NF1: variants seen among roughly 807,000 people sequenced by gnomAD.
NF1 encodes the protein neurofibromin.
A neutral mutation model predicts 325.7 loss-of-function variants in NF1; 122 were observed. That is an observed-to-expected ratio of 0.37 (90% confidence interval 0.32 to 0.44). NF1 has a LOEUF of 0.44. NF1 is among the 20% of genes least tolerant of loss of function. The probability of loss-of-function intolerance (pLI) is 1.00; values close to 1 mark genes in which losing one functional copy is unlikely to be tolerated. For synonymous variants in NF1, 1,091 were observed against 1,186.0 expected (o/e 0.92, Z 1.65); for missense variants, 2,140 against 3,415.4 (o/e 0.63, Z 9.31).
Position 31,338,717 on chromosome 17 carries a change from G to C in NF1, c.6833G>C (p.Cys2278Ser), listed in dbSNP as rs2151559117. Residue 2278 changes from cysteine (C) to serine (S), a missense_variant, in exon 46 of 58, where the codon TGC (cysteine) becomes TCC (serine). This residue lies in a region of NF1 where 522 missense variants were observed against 749.0 expected (regional missense o/e 0.70). Transcript: ENST00000358273. ...IRILSKALES[C>S]LKGPDTYNSQ... is the part of the protein sequence containing the mutation. Reference sequence around the variant, plus strand: ...TTTTCCTAAAAGGCACTTGAGAGTTGCTTAAAAGGACCTGACACTTACAAC... The same window carrying C: ...TTTTCCTAAAAGGCACTTGAGAGTTCCTTAAAAGGACCTGACACTTACAAC... The C allele has an allele frequency of 6.2e-7, 1 of 1,612,978 alleles. No homozygotes were observed. Among genetic ancestry groups the C allele is most frequent in the Middle Eastern group, 1.7e-4 (1 of 6,040 alleles).
In NF1 at chr17:31,358,510, C is replaced by A. The variant is rs876658475; in HGVS notation, c.8001C>A (p.Thr2667=). The A allele has an allele frequency of 4.3e-6, 7 of 1,613,720 alleles. No individual in the cohort carries two copies. The South Asian group carries it at 7.7e-5, about 18-fold the overall frequency. Reference sequence around the variant, plus strand: ...ATTTGTTGGACTCTAAGATCAACACCCTGTTATCATTGTGCCAAGATCCAA... The same window carrying A: ...ATTTGTTGGACTCTAAGATCAACACACTGTTATCATTGTGCCAAGATCCAA... ...VHNLLDSKIN[T]LLSLCQDPNL... The change falls in exon 55 of 58, where the codon ACC becomes ACA. Residue 2667 remains threonine, a synonymous_variant. Coordinates refer to ENST00000358273, the MANE Select transcript of NF1 (RefSeq NM_001042492.3).
Position 31,252,688 on chromosome 17 carries a change from T to G in NF1, c.4111-250T>G, listed in dbSNP as rs577002265. 39 of 462,584 alleles carry G rather than the reference T, an allele frequency of 8.4e-5. 1 individual carries two copies. The South Asian group carries it at 1.4e-3, about 16-fold the overall frequency. 28.7% of individuals were successfully genotyped at this position (462,584 alleles called of 1,614,324 possible). ...CACTTGGAGAGAGTTTTTCTGTGAT[T>G]CATAGCCAGAAATAGTAGACATGAT... On this transcript the variant is annotated intron_variant, in intron 30 of 57. Coordinates refer to ENST00000358273, the MANE Select transcript of NF1 (RefSeq NM_001042492.3).
rs192013137 is a variant in NF1, at chr17:31,362,078, T to C, written c.8377+1375T>C. On this transcript the variant is annotated intron_variant, in intron 57 of 57. Coordinates refer to ENST00000358273, the MANE Select transcript of NF1 (RefSeq NM_001042492.3). ...GCATCATTTGGGAGCTTGTTAGAAA[T>C]GCAGATGCTGTAGTTTCACCTCAGA... is the stretch of plus-strand genomic sequence containing the variant. Among the ~76,000 whole-genome samples the C allele has an allele frequency of 7.2e-5, 11 of 152,260 alleles. No homozygotes were observed. In the East Asian group the frequency reaches 1.5e-3, roughly 21 times the overall value.
intron 17 of NF1, 126 bp downstream of exon 17, chr17:31,225,376 T>C (rs1041541967): frequency 1.2e-5 from 13 of 1,048,902 alleles, no homozygotes; most frequent in African/African-American, 3.2e-5. Context: ...TCTAGTTCTA[T>C]TACTGCTCTT....
chr17:31,226,165 A>G (rs545646293), intron 17 of NF1, among the ~76,000 whole-genome samples: 1 of 152,268 alleles, frequency 6.6e-6, no homozygotes, highest in South Asian at 2.1e-4. Context: ...GGAATCTGGA[A>G]TAGGATAATA....
chr17:31,373,263 G>A (rs1252393799), intron 57 of NF1, among the ~76,000 whole-genome samples: 1 of 152,136 alleles, frequency 6.6e-6, no homozygotes, highest in Admixed American at 6.5e-5. Context: ...AAATTTGCTG[G>A]AAAGATCAGT....
chr17:31,193,932 G>A (rs1319182389), intron 8 of NF1, among the ~76,000 whole-genome samples: 1 of 152,170 alleles, frequency 6.6e-6, no homozygotes, highest in Non-Finnish European at 1.5e-5. Context: ...CTTAAATGTG[G>A]CTAGTGGGAA....
At chr17:31,222,104 A>C in intron 15 of NF1, 175 bp downstream of exon 15, 1 of 1,298,872 alleles carries the variant, frequency 7.7e-7, no homozygotes, top group Non-Finnish European at 9.8e-7. Context: ...AACTGTAAGA[A>C]AAGTATCACA....
chr17:31,275,112 G>A (rs1430489221), intron 36 of NF1, among the ~76,000 whole-genome samples: 1 of 152,068 alleles, frequency 6.6e-6, no homozygotes, highest in Non-Finnish European at 1.5e-5. Context: ...TAGTCAATTT[G>A]CCATTATTCA....
At chr17:31,222,733 TTC>T (rs1393877921) in intron 15 of NF1, 1 of 189,976 alleles carries the variant, frequency 5.3e-6, no homozygotes, top group Non-Finnish European at 1.0e-5. Context: ...TGACATTTCA[TTC>T]TCTTTTTTTT....
chr17:31,141,844 A>G (rs905604433), intron 1 of NF1, among the ~76,000 whole-genome samples: 1 of 152,172 alleles, frequency 6.6e-6, no homozygotes, highest in Non-Finnish European at 1.5e-5. Flanking sequence ...GGAGGACTTA[A>G]TTCCGTTTCT....
chr17:31,221,266 T>G (rs1323403777), intron 14 of NF1, among the ~76,000 whole-genome samples: 1 of 152,126 alleles, frequency 6.6e-6, no homozygotes, highest in East Asian at 1.9e-4. Flanking sequence ...CCCGTTAGTG[T>G]TCTCTGAGCC....
At chr17:31,109,830 C>G (rs1913249773) in intron 1 of NF1, among the ~76,000 whole-genome samples, 1 of 152,110 alleles carries the variant, frequency 6.6e-6, no homozygotes, top group Admixed American at 6.6e-5. Context: ...ATTTTAAAAG[C>G]CTTTACATAT....
intron 1 of NF1, among the ~76,000 whole-genome samples, chr17:31,103,697 C>T (rs535437987): frequency 3.3e-5 from 5 of 152,074 alleles, no homozygotes; most frequent in Admixed American, 6.6e-5. Flanking sequence ...TGGCTGGGTG[C>T]GGTGGCTCAT....
rs1060500295 is a variant in NF1, at chr17:31,356,539, A to AC, written c.7701dup (p.Lys2568GlnfsTer9). 1 of 1,613,832 alleles carries AC rather than the reference A, an allele frequency of 6.2e-7. No individual in the cohort carries two copies. The highest frequency in any genetic ancestry group is 8.5e-7 in the Non-Finnish European group (1 of 1,179,830). On this transcript the variant is annotated frameshift_variant, in exon 52 of 58. Coordinates refer to ENST00000358273, the MANE Select transcript of NF1 (RefSeq NM_001042492.3). LOFTEE classifies it high-confidence loss of function. Reference sequence around the variant, plus strand: ...AAGAAATGGAATCAGGGATCACAACACCCCCCAAAATGAGGAGAGTAGCAG... The same window carrying AC: ...AAGAAATGGAATCAGGGATCACAACACCCCCCCAAAATGAGGAGAGTAGCAG...
At chr17:31,275,244 C>A (rs561005581) in intron 36 of NF1, among the ~76,000 whole-genome samples, 5 of 152,114 alleles carry the variant, frequency 3.3e-5, no homozygotes, top group African/African-American at 9.7e-5. Flanking sequence ...CCATGGTCCA[C>A]CATGGTCTGA....
At chr17:31,249,962 G>A (rs185587871) in intron 30 of NF1, 2 of 489,724 alleles carry the variant, frequency 4.1e-6, no homozygotes, top group Non-Finnish European at 8.1e-6. Context: ...CAGAGTCATC[G>A]CAGCCATTTG....
Position 31,232,657 on chromosome 17 carries a change from A to T in NF1, c.3315-43A>T, listed in dbSNP as rs375926367. The T allele has an allele frequency of 1.0e-5, 16 of 1,571,804 alleles. No homozygotes were observed. The African/African-American group carries it at 1.5e-4, about 15-fold the overall frequency. ...GAATGTCTGGTTAGCTTTCTAGTTG[A>T]TACGGCCTTCACTATGTAAAGGTCA... On this transcript the variant is annotated intron_variant, in intron 25 of 57. Transcript: ENST00000358273.
At chr17:31,351,138 C>G (rs1318521198) in intron 50 of NF1, among the ~76,000 whole-genome samples, 1 of 152,118 alleles carries the variant, frequency 6.6e-6, no homozygotes, top group Non-Finnish European at 1.5e-5. Flanking sequence ...AATAGTTTGC[C>G]TGTGTTCCCC....
Sources: gnomAD v4.1 joint callset for allele counts (sites outside exome capture counted in the v4.1 genomes callset) on GRCh38, gnomAD v4.1.1 for gene constraint, gnomAD v4.1.1 regional missense constraint, MANE v1.5 for transcripts, NCBI Gene and HGNC (gene_info 2026-07-23, HGNC 2026-07-21) for gene names.